P2RY4: variants seen among roughly 807,000 people sequenced by gnomAD.
P2RY4 encodes the protein P2Y purinoceptor 4.
For missense variants in P2RY4, 291 were observed against 308.5 expected (o/e 0.94, Z 0.42); for synonymous variants, 121 against 131.6 (o/e 0.92, Z 0.55).
rs745447827 is a variant in P2RY4, at chrX:70,258,681, C to T, written c.944G>A (p.Arg315His). 7 of 1,211,750 alleles carry T rather than the reference C, an allele frequency of 5.8e-6. No individual in the cohort carries two copies. The highest frequency in any genetic ancestry group is 3.5e-5 in the South Asian group (2 of 56,900). ...LYLLTGDKYR[R>H]QLRQLCGGGK... Reference sequence around the variant, plus strand: ...ACCACCACAGAGCTGACGGAGCTGACGTCGATATTTGTCCCCAGTGAGCAA... The same window carrying T: ...ACCACCACAGAGCTGACGGAGCTGATGTCGATATTTGTCCCCAGTGAGCAA... The change falls in exon 1 of 1, where the codon CGT becomes CAT. Residue 315 changes from arginine to histidine, a missense_variant. Physicochemically the swap from Arg to His is conservative, Grantham distance 29. Coordinates refer to ENST00000374519, the MANE Select transcript of P2RY4 (RefSeq NM_002565.4).
In P2RY4 at chrX:70,258,568, G is replaced by T. The variant is rs762793433; in HGVS notation, c.1057C>A (p.Gln353Lys). The T allele has an allele frequency of 3.3e-6, 4 of 1,206,730 alleles. No homozygotes were observed. The highest frequency in any genetic ancestry group is 3.4e-6 in the Non-Finnish European group (3 of 892,418). The change falls in exon 1 of 1, where the codon CAG (glutamine) becomes AAG (lysine). Residue 353 changes from glutamine to lysine, a missense_variant. Physicochemically the swap from Gln to Lys is moderately conservative, Grantham distance 53. Transcript: ENST00000374519. The part of the protein sequence containing the change: ...DSSCRWAATP[Q>K]DSSCSTPRAD... ...CTAGGAGTAGAGCAGCTACTGTCCT[G>T]GGGGGTGGCCGCCCACCTGCAGCTG...
At position 70,258,915 on chromosome X, in the gene P2RY4, G is replaced by A. The variant is rs1050757083; in HGVS notation, c.710C>T (p.Ser237Leu). The change falls in exon 1 of 1, where the codon TCG becomes TTG. Residue 237 changes from serine (S) to leucine (L), a missense_variant. Physicochemically the swap from Ser to Leu is moderately radical, Grantham distance 145 (BLOSUM62 -2). Transcript: ENST00000374519. The stretch of plus-strand genomic sequence containing the variant: ...GCGGAGAGAGCGGAGGCGAGAAGAC[G>A]ACTGTGCAGAGCCTGGCAAGGGCTG... ...LYQPLPGSAQ[S>L]SSRLRSLRTI... 1.2e-5 allele frequency: 14 copies of A among 1,211,334 alleles called. No homozygotes were observed. The highest frequency in any genetic ancestry group is 7.0e-5 in the South Asian group (4 of 56,854).
chrX:70,258,491 C>T lies in P2RY4; in HGVS notation c.*36G>A. 2 of 1,164,226 alleles carry T rather than the reference C, an allele frequency of 1.7e-6. No homozygotes were observed. The highest frequency in any genetic ancestry group is 2.0e-5 in the South Asian group (1 of 49,895). Reference sequence around the variant, plus strand: ...TGGGTTCCCTCACCTCTGCCCTGCACTCATCCCCTTTTCTCTCACTTCCCG... The same window carrying T: ...TGGGTTCCCTCACCTCTGCCCTGCATTCATCCCCTTTTCTCTCACTTCCCG... On this transcript the variant is annotated 3_prime_UTR_variant, in exon 1 of 1. Coordinates refer to ENST00000374519, the MANE Select transcript of P2RY4 (RefSeq NM_002565.4).
In P2RY4 at chrX:70,258,985, G is replaced by A; in HGVS notation, c.640C>T (p.Leu214=). ...AGTCCATAGCAAACAAGAGTGACCA[G>A]GCAGGGCACGCCAAAGAGCAGCCCC... The part of the protein sequence containing the change: ...VMGLLFGVPC[L]VTLVCYGLMA... Residue 214 remains leucine (L), a synonymous_variant, in exon 1 of 1, where the codon CTG becomes TTG. Transcript: ENST00000374519. 8.3e-7 allele frequency: 1 copy of A among 1,211,770 alleles called. No homozygotes were observed. Among genetic ancestry groups the A allele is most frequent in the Non-Finnish European group, 1.1e-6 (1 of 895,308 alleles).
rs1054407708 is a variant in P2RY4, at chrX:70,258,444, G to A, written c.*83C>T. The A allele has an allele frequency of 1.1e-5, 11 of 1,030,132 alleles. No homozygotes were observed. In the Admixed American group the frequency reaches 3.3e-4, roughly 31 times the overall value. 84.9% of individuals were successfully genotyped at this position (1,030,132 alleles called of 1,213,427 possible). ...TCCAGAGCCTGGAAAAGAGGAAGAA[G>A]CACCTTACCAGGTATCACTATTGGG... On this transcript the variant is annotated 3_prime_UTR_variant, in exon 1 of 1. Coordinates refer to ENST00000374519, the MANE Select transcript of P2RY4 (RefSeq NM_002565.4).
In P2RY4 at chrX:70,258,886, T is replaced by C. The variant is rs56217451; in HGVS notation, c.739A>G (p.Ile247Val). The C allele has an allele frequency of 0.035, 42,905 of 1,209,742 alleles. 601 individuals are homozygous for C. Among genetic ancestry groups the C allele is most frequent in the African/African-American group, 0.062 (3,532 of 57,149 alleles). The part of the protein sequence containing the change: ...SSSRLRSLRT[I>V]AVVLTVFAVC... ...GCAAAGACAGTCAGCACCACAGCTATGGTGCGGAGAGAGCGGAGGCGAGAA... is the reference window on the plus strand; with the variant it reads ...GCAAAGACAGTCAGCACCACAGCTACGGTGCGGAGAGAGCGGAGGCGAGAA... The change falls in exon 1 of 1, where the codon ATA becomes GTA. Residue 247 changes from isoleucine (I) to valine (V), a missense_variant. Physicochemically the swap from Ile to Val is conservative, Grantham distance 29 (BLOSUM62 3). Transcript: ENST00000374519.
rs1231164789 is a variant in P2RY4 at position 70,259,629 on chromosome X, C to A, written c.-5G>T. 7 of 1,172,444 alleles carry A rather than the reference C, an allele frequency of 6.0e-6. No individual in the cohort carries two copies. The highest frequency in any genetic ancestry group is 3.5e-5 in the African/African-American group (2 of 56,579). On this transcript the variant is annotated 5_prime_UTR_variant, in exon 1 of 1. Transcript: ENST00000374519. ...GGAGGACTCTGTACTGGCCATGGCC[C>A]CCCTGGAGATGGGAAGGGGAGAAGT...
In P2RY4 at chrX:70,258,462, C is replaced by T; in HGVS notation, c.*65G>A. ...GGAAGAAGCACCTTACCAGGTATCA[C>T]TATTGGGTTCCCTCACCTCTGCCCT... On this transcript the variant is annotated 3_prime_UTR_variant, in exon 1 of 1. Transcript: ENST00000374519. 4 of 1,101,503 alleles carry T rather than the reference C, an allele frequency of 3.6e-6. No homozygotes were observed. The South Asian group carries it at 8.6e-5, about 24-fold the overall frequency. 90.8% of individuals were successfully genotyped at this position (1,101,503 alleles called of 1,213,427 possible).
chrX:70,259,680 C>G lies in P2RY4; in HGVS notation c.-56G>C, dbSNP rs2085587176. The G allele has an allele frequency of 9.3e-7, 1 of 1,073,160 alleles. No individual in the cohort carries two copies. The highest frequency in any genetic ancestry group is 1.2e-6 in the Non-Finnish European group (1 of 807,356). 88.4% of individuals were successfully genotyped at this position (1,073,160 alleles called of 1,213,427 possible). Reference sequence around the variant, plus strand: ...GAGGGTGGCAGGATTTCCCTGCCCACCCCCATCCCTGAGCTGGAGCAAAAA... The same window carrying G: ...GAGGGTGGCAGGATTTCCCTGCCCAGCCCCATCCCTGAGCTGGAGCAAAAA... On this transcript the variant is annotated 5_prime_UTR_variant, in exon 1 of 1. Transcript: ENST00000374519.
Position 70,259,536 on chromosome X carries a change from T to C in P2RY4, c.89A>G (p.Asp30Gly). Residue 30 changes from aspartate (D) to glycine (G), a missense_variant, in exon 1 of 1, where the codon GAT becomes GGT. By Grantham distance (94) the Asp-to-Gly change is moderately conservative (BLOSUM62 -1). Transcript: ENST00000374519. ...SSEVELDCWF[D>G]EDFKFILLPV... Reference sequence around the variant, plus strand: ...CAGCAGGATGAACTTGAAATCCTCATCAAACCAACAGTCCAGCTCCACCTC... The same window carrying C: ...CAGCAGGATGAACTTGAAATCCTCACCAAACCAACAGTCCAGCTCCACCTC... 8.3e-7 allele frequency: 1 copy of C among 1,209,342 alleles called. No individual in the cohort carries two copies. The highest frequency in any genetic ancestry group is 1.8e-5 in the South Asian group (1 of 56,273).
chrX:70,259,640 G>A lies in P2RY4; in HGVS notation c.-16C>T, dbSNP rs746092057. ...TACTGGCCATGGCCCCCCTGGAGATGGGAAGGGGAGAAGTGAGGGTGGCAG... is the reference window on the plus strand; with the variant it reads ...TACTGGCCATGGCCCCCCTGGAGATAGGAAGGGGAGAAGTGAGGGTGGCAG... On this transcript the variant is annotated 5_prime_UTR_variant, in exon 1 of 1. Transcript: ENST00000374519. 21 of 1,161,775 alleles carry A rather than the reference G, an allele frequency of 1.8e-5. No homozygotes were observed. In the East Asian group the frequency reaches 6.1e-4, roughly 34 times the overall value.
chrX:70,259,670 TC>T lies in P2RY4; in HGVS notation c.-47del, dbSNP rs1400196708. 3 of 1,107,102 alleles carry T rather than the reference TC, an allele frequency of 2.7e-6. No individual in the cohort carries two copies. Among genetic ancestry groups the T allele is most frequent in the South Asian group, 2.2e-5 (1 of 44,997 alleles). The allele number at this position is 1,107,102 out of a possible 1,213,427, so 91.2% of individuals were successfully genotyped here. ...GGGGAGAAGTGAGGGTGGCAGGATT[TC>T]CCTGCCCACCCCCATCCCTGAGCTG... On this transcript the variant is annotated 5_prime_UTR_variant, in exon 1 of 1. Coordinates refer to ENST00000374519, the MANE Select transcript of P2RY4 (RefSeq NM_002565.4).
rs2085583041 is a variant in P2RY4 at position 70,259,052 on chromosome X, A to G, written c.573T>C (p.Pro191=). 1 of 1,210,360 alleles carries G rather than the reference A, an allele frequency of 8.3e-7. No homozygotes were observed. The highest frequency in any genetic ancestry group is 2.2e-5 in the Admixed American group (1 of 45,857). Residue 191 remains proline (P), a synonymous_variant, in exon 1 of 1, where the codon CCT becomes CCC. Coordinates refer to ENST00000374519, the MANE Select transcript of P2RY4 (RefSeq NM_002565.4). ...AGTGCACATAGTGGTCAAACTCTTC[A>G]GGCCGAGTGGTGTCATGGCACAGGA... is the stretch of plus-strand genomic sequence containing the variant. ...TTVLCHDTTR[P]EEFDHYVHFS...
chrX:70,258,883 C>T lies in P2RY4; in HGVS notation c.742G>A (p.Ala248Thr). ...ACAGCAAAGACAGTCAGCACCACAG[C>T]TATGGTGCGGAGAGAGCGGAGGCGA... ...SSRLRSLRTIAVVLTVFAVCF... is the reference protein window; with the variant it reads ...SSRLRSLRTITVVLTVFAVCF... Residue 248 changes from alanine (A) to threonine (T), a missense_variant, in exon 1 of 1, where the codon GCT becomes ACT. Ala to Thr is a moderately conservative substitution (Grantham distance 58). Coordinates refer to ENST00000374519, the MANE Select transcript of P2RY4 (RefSeq NM_002565.4). The T allele has an allele frequency of 8.3e-7, 1 of 1,211,892 alleles. No individual in the cohort carries two copies. Among genetic ancestry groups the T allele is most frequent in the Non-Finnish European group, 1.1e-6 (1 of 895,470 alleles).
rs1021647336 is a variant in P2RY4, at chrX:70,259,365, G to A, written c.260C>T (p.Ser87Leu). The A allele has an allele frequency of 5.8e-6, 7 of 1,211,937 alleles. No homozygotes were observed. The highest frequency in any genetic ancestry group is 1.7e-5 in the African/African-American group (1 of 57,931). ...LALSDTLYVL[S>L]LPTLIYYYAA... is the part of the protein sequence containing the mutation. ...ATAATAGTAGATGAGGGTGGGCAGC[G>A]ACAGCACATACAAGGTGTCTGACAA... Residue 87 changes from serine to leucine, a missense_variant, in exon 1 of 1, where the codon TCG becomes TTG. Transcript: ENST00000374519.
Position 70,258,894 on chromosome X carries a change from A to G in P2RY4, c.731T>C (p.Leu244Pro), listed in dbSNP as rs1195366841. The change falls in exon 1 of 1, where the codon CTC becomes CCC. Residue 244 changes from leucine to proline, a missense_variant. Coordinates refer to ENST00000374519, the MANE Select transcript of P2RY4 (RefSeq NM_002565.4). ...SAQSSSRLRSLRTIAVVLTVF... is the reference protein window; with the variant it reads ...SAQSSSRLRSPRTIAVVLTVF... ...AGTCAGCACCACAGCTATGGTGCGGAGAGAGCGGAGGCGAGAAGACGACTG... is the reference window on the plus strand; with the variant it reads ...AGTCAGCACCACAGCTATGGTGCGGGGAGAGCGGAGGCGAGAAGACGACTG... The G allele has an allele frequency of 3.3e-6, 4 of 1,211,744 alleles. No homozygotes were observed. In the South Asian group the frequency reaches 7.0e-5, roughly 21 times the overall value.
rs1212798396 is a variant in P2RY4 at position 70,258,275 on chromosome X, T to C, written c.*252A>G. On this transcript the variant is annotated 3_prime_UTR_variant, in exon 1 of 1. Transcript: ENST00000374519. The stretch of plus-strand genomic sequence containing the variant: ...ATTTTCAGGAAGATTGTAGGACCAA[T>C]GGCCCCAGGAAGGAACAGAAACAAC... The C allele has an allele frequency of 2.1e-5, 7 of 328,746 alleles. No individual in the cohort carries two copies. The highest frequency in any genetic ancestry group is 3.7e-5 in the Non-Finnish European group (7 of 190,646). The allele number at this position is 328,746 out of a possible 1,213,427, so 27.1% of individuals were successfully genotyped here. A position where few individuals can be genotyped will look rare whatever the true frequency, so the allele number is the denominator to read the frequency against.
At position 70,259,746 on chromosome X, in the gene P2RY4, G is replaced by C; in HGVS notation, c.-122C>G. On this transcript the variant is annotated 5_prime_UTR_variant, in exon 1 of 1. Coordinates refer to ENST00000374519, the MANE Select transcript of P2RY4 (RefSeq NM_002565.4). ...AGCAGTGGTTGAAGCACTAGGGAGA[G>C]CTGACAGAAGCGCATCTGGGTGCAC... The C allele has an allele frequency of 1.5e-6, 1 of 682,902 alleles. No homozygotes were observed. The highest frequency in any genetic ancestry group is 3.9e-5 in the Admixed American group (1 of 25,458). The allele number at this position is 682,902 out of a possible 1,213,427, so 56.3% of individuals were successfully genotyped here. A position where few individuals can be genotyped will look rare whatever the true frequency, so the allele number is the denominator to read the frequency against.
chrX:70,259,830 G>A lies in P2RY4; in HGVS notation c.-206C>T, dbSNP rs1405098004. 11 of 439,198 alleles carry A rather than the reference G, an allele frequency of 2.5e-5. No individual in the cohort carries two copies. The highest frequency in any genetic ancestry group is 4.4e-5 in the Non-Finnish European group (11 of 249,069). The allele number at this position is 439,198 out of a possible 1,213,427, so 36.2% of individuals were successfully genotyped here. On this transcript the variant is annotated 5_prime_UTR_variant, in exon 1 of 1. Transcript: ENST00000374519. ...GGTCCAGCTTGGGAAGTGGTGGGCA[G>A]CAGGCAGTGCTGGGGCTCAGGCAGG...
Sources: gnomAD v4.1 joint callset for allele counts on GRCh38, gnomAD v4.1.1 for gene constraint, MANE v1.5 for transcripts, NCBI Gene and HGNC (gene_info 2026-07-23, HGNC 2026-07-21) for gene names.